Variants in ACTL8 observed in about 807,000 individuals in gnomAD.
ACTL8 encodes the protein actin like 8, also known as actin-like protein 8.
ACTL8 carries 3 observed loss-of-function variants against 9.3 expected under a neutral mutation model. The ratio of observed to expected loss-of-function variants is 0.32; its 90% CI spans 0.15 to 0.83. The LOEUF (loss-of-function observed/expected upper bound fraction) is 0.83, where lower values mean the gene tolerates loss of function less well. ACTL8 is among the 40% of genes least tolerant of loss of function. The pLI is 0.57. For synonymous variants in ACTL8, 224 were observed against 205.9 expected (o/e 1.09, Z -0.75); for missense variants, 381 against 492.2 (o/e 0.77, Z 2.14).
intron 1 of ACTL8, among the ~76,000 whole-genome samples, chr1:17,821,474 T>G (rs564473952): frequency 1.0e-3 from 156 of 152,336 alleles, no homozygotes; most frequent in Non-Finnish European, 1.9e-3. Context: ...CTTTTTTTGG[T>G]ATATGGACAT....
intron 1 of ACTL8, among the ~76,000 whole-genome samples, chr1:17,792,060 CAA>C (rs1225665914): frequency 1.3e-5 from 2 of 152,180 alleles, no homozygotes; most frequent in Admixed American, 1.3e-4. Flanking sequence ...CTCTTAACCC[CAA>C]TGGGCCCCTC....
intron 1 of ACTL8, among the ~76,000 whole-genome samples, chr1:17,784,787 A>G (rs1395843005): frequency 2.6e-5 from 4 of 152,242 alleles, no homozygotes; most frequent in Admixed American, 2.6e-4. Context: ...TTGTGGAGTC[A>G]GATGAGACAC....
chr1:17,795,723 C>T (rs1404656456), intron 1 of ACTL8, among the ~76,000 whole-genome samples: 14 of 152,218 alleles, frequency 9.2e-5, no homozygotes, highest in Admixed American at 3.9e-4. Context: ...TAGATAGGTG[C>T]AGAAATGGGG....
intron 1 of ACTL8, among the ~76,000 whole-genome samples, chr1:17,812,523 G>A (rs998121826): frequency 6.8e-5 from 10 of 146,998 alleles, no homozygotes; most frequent in East Asian, 4.2e-4. Flanking sequence ...TCCGCCTCCC[G>A]GGCTCAAGCA....
chr1:17,823,013 C>T lies in ACTL8; in HGVS notation c.5C>T (p.Ala2Val), dbSNP rs770919704. Reference sequence around the variant, plus strand: ...CCACCCACCTCTGCCTCCGCCATGGCTGCAAGAACCGTTATCATTGACCAC... The same window carrying T: ...CCACCCACCTCTGCCTCCGCCATGGTTGCAAGAACCGTTATCATTGACCAC... M[A>V]ARTVIIDHGS... Residue 2 changes from alanine to valine, a missense_variant, in exon 2 of 3, where the codon GCT becomes GTT. Transcript: ENST00000375406. This position sits in a 1 kb window ranked among gnomAD's most constrained non-coding sequence, Gnocchi z 5.3. The T allele has an allele frequency of 1.2e-6, 2 of 1,612,896 alleles. No homozygotes were observed. The highest frequency in any genetic ancestry group is 2.2e-5 in the East Asian group (1 of 44,862).
At chr1:17,806,879 C>T (rs2066363199) in intron 1 of ACTL8, among the ~76,000 whole-genome samples, 1 of 152,220 alleles carries the variant, frequency 6.6e-6, no homozygotes, top group Admixed American at 6.5e-5. Flanking sequence ...GATTCATTAT[C>T]CTGCAGTTCT....
intron 1 of ACTL8, among the ~76,000 whole-genome samples, chr1:17,769,956 C>G (rs1366741637): frequency 6.6e-6 from 1 of 152,174 alleles, no homozygotes; most frequent in Non-Finnish European, 1.5e-5. Context: ...CTTGCAGTGT[C>G]TGGATTATTT....
intron 1 of ACTL8, among the ~76,000 whole-genome samples, chr1:17,759,498 A>G (rs1355105979): frequency 6.6e-6 from 1 of 152,260 alleles, no homozygotes; most frequent in East Asian, 1.9e-4. Flanking sequence ...TAAGTTCTAC[A>G]GGTTGGCTTT....
rs751796228 is a variant in ACTL8 at position 17,826,176 on chromosome 1, G to C, written c.758G>C (p.Arg253Pro). ...CGCGTGGAGCTGACCCCCATGCAGC[G>C]GGTGGCTCCTGAGATGTTCTTTAGC... is the stretch of plus-strand genomic sequence containing the variant. ...GSRVELTPMQRVAPEMFFSPQ... is the reference protein window; with the variant it reads ...GSRVELTPMQPVAPEMFFSPQ... Residue 253 changes from arginine (R) to proline (P), a missense_variant, in exon 3 of 3, where the codon CGG becomes CCG. This residue lies in a region of ACTL8 where 243 missense variants were observed against 276.2 expected (regional missense o/e 0.88). Coordinates refer to ENST00000375406, the MANE Select transcript of ACTL8 (RefSeq NM_030812.3). The surrounding 1 kb of genome is among the most constrained non-coding windows in gnomAD (Gnocchi z 4.5). 5.0e-6 allele frequency: 8 copies of C among 1,613,038 alleles called. No homozygotes were observed. The highest frequency in any genetic ancestry group is 1.3e-5 in the African/African-American group (1 of 74,924).
chr1:17,786,757 T>C (rs1245882164), intron 1 of ACTL8, among the ~76,000 whole-genome samples: 3 of 152,208 alleles, frequency 2.0e-5, no homozygotes, highest in Non-Finnish European at 4.4e-5. Flanking sequence ...TGGAGTGCAG[T>C]GGCATGATCA....
At chr1:17,815,079 T>C (rs111371228) in intron 1 of ACTL8, among the ~76,000 whole-genome samples, 3,454 of 152,132 alleles carry the variant, frequency 0.023, 123 homozygotes, top group African/African-American at 0.076. Flanking sequence ...ATGTTACAGT[T>C]GCCTACAGTA....
chr1:17,773,739 G>A (rs2066098843), intron 1 of ACTL8, among the ~76,000 whole-genome samples: 3 of 152,190 alleles, frequency 2.0e-5, no homozygotes, highest in African/African-American at 7.2e-5. Flanking sequence ...ATAATCAAAG[G>A]GTCTCTCTCA....
At chr1:17,796,796 C>G (rs2066280667) in intron 1 of ACTL8, among the ~76,000 whole-genome samples, 1 of 152,240 alleles carries the variant, frequency 6.6e-6, no homozygotes, top group Non-Finnish European at 1.5e-5. Flanking sequence ...ATGCTCTAGA[C>G]TTAGATTGCA....
intron 1 of ACTL8, among the ~76,000 whole-genome samples, chr1:17,757,341 A>T: frequency 6.6e-6 from 1 of 152,184 alleles, no homozygotes; most frequent in East Asian, 1.9e-4. Flanking sequence ...TTGCTGAATT[A>T]TGACAACAGT....
Position 17,818,518 on chromosome 1 carries a change from C to T in ACTL8, c.-24-4467C>T, listed in dbSNP as rs953501518. ...TTCTCAGATCTCCAGTATCCTCCCT[C>T]CACTCACCGTGTCCTTGCTACACAG... On this transcript the variant is annotated intron_variant, in intron 1 of 2. Coordinates refer to ENST00000375406, the MANE Select transcript of ACTL8 (RefSeq NM_030812.3). 4.6e-5 allele frequency among the ~76,000 whole-genome samples: 7 copies of T among 152,230 alleles called. No individual in the cohort carries two copies. The East Asian group carries it at 1.3e-3, about 29-fold the overall frequency.
intron 1 of ACTL8, among the ~76,000 whole-genome samples, chr1:17,795,523 G>A (rs1347439794): frequency 6.6e-6 from 1 of 152,144 alleles, no homozygotes; most frequent in African/African-American, 2.4e-5. Context: ...CTGTTACTTG[G>A]GTCTAAGAGA....
At position 17,826,866 on chromosome 1, in the gene ACTL8, G is replaced by A. The variant is rs962743434; in HGVS notation, c.*347G>A. 7 of 175,932 alleles carry A rather than the reference G, an allele frequency of 4.0e-5. No homozygotes were observed. Among genetic ancestry groups the A allele is most frequent in the Non-Finnish European group, 5.9e-5 (5 of 84,052 alleles). 10.9% of individuals were successfully genotyped at this position (175,932 alleles called of 1,614,324 possible). A position where few individuals can be genotyped will look rare whatever the true frequency, so the allele number is the denominator to read the frequency against. On this transcript the variant is annotated 3_prime_UTR_variant, in exon 3 of 3. Transcript: ENST00000375406. This position sits in a 1 kb window ranked among gnomAD's most constrained non-coding sequence, Gnocchi z 4.5. ...GGTTTGTCTCATTCTTCTTGGTTGA[G>A]TAGGTTTTAACTGGGGTAGCACTCC...
rs1308073815 is a variant in ACTL8 at position 17,823,955 on chromosome 1, G to A, written c.348+599G>A. On this transcript the variant is annotated intron_variant, in intron 2 of 2. Coordinates refer to ENST00000375406, the MANE Select transcript of ACTL8 (RefSeq NM_030812.3). The surrounding 1 kb of genome is among the most constrained non-coding windows in gnomAD (Gnocchi z 5.3). Reference sequence around the variant, plus strand: ...TAATTGCTGATACAGGCCATGTTCTGGCCCTCAGAGAGCTTCCATGAAGGG... The same window carrying A: ...TAATTGCTGATACAGGCCATGTTCTAGCCCTCAGAGAGCTTCCATGAAGGG... Among the ~76,000 whole-genome samples the A allele has an allele frequency of 6.6e-6, 1 of 152,310 alleles. No individual in the cohort carries two copies. The highest frequency in any genetic ancestry group is 2.1e-4 in the South Asian group (1 of 4,826).
rs2102676193 is a variant in ACTL8, at chr1:17,767,019, G to A, written c.-25+11515G>A. Among the ~76,000 whole-genome samples, 1 of 152,322 alleles carries A rather than the reference G, an allele frequency of 6.6e-6. No individual in the cohort carries two copies. Among genetic ancestry groups the A allele is most frequent in the African/African-American group, 2.4e-5 (1 of 41,580 alleles). ...ATGCAGATGATGAATGTGGTTTCAG[G>A]TTGGGAGAACTATGGAGAACAATGA... is the stretch of plus-strand genomic sequence containing the variant. On this transcript the variant is annotated intron_variant, in intron 1 of 2. Transcript: ENST00000375406. This position sits in a 1 kb window ranked among gnomAD's most constrained non-coding sequence, Gnocchi z 4.7.
Sources: allele counts gnomAD v4.1 joint callset (sites outside exome capture counted in the v4.1 genomes callset), GRCh38; gene constraint gnomAD v4.1.1; regional missense constraint gnomAD v4.1.1; non-coding constraint Gnocchi (gnomAD v3.1); transcripts MANE v1.5; gene names NCBI Gene and HGNC (gene_info 2026-07-23, HGNC 2026-07-21).